GEMIN7: variants seen among roughly 807,000 people sequenced by gnomAD.
GEMIN7 encodes the protein gem-associated protein 7.
A neutral mutation model predicts 7.8 loss-of-function variants in GEMIN7; 7 were observed. That is an observed-to-expected ratio of 0.90 (90% CI 0.51 to 1.69). The LOEUF (loss-of-function observed/expected upper bound fraction) is 1.69. GEMIN7 is among the 40% of genes most tolerant of loss of function. GEMIN7 has a pLI of 0.00. For missense variants in GEMIN7, 159 were observed against 176.2 expected, an observed-to-expected ratio of 0.90 and a Z score of 0.55; for synonymous variants, 68 against 72.4, an observed-to-expected ratio of 0.94 and a Z score of 0.31.
chr19:45,088,571 C>T (rs1347613766), intron 2 of GEMIN7: 1 of 152,184 alleles, frequency 6.6e-6, no homozygotes, highest in African/African-American at 2.4e-5. Context: ...AAGCAATCCT[C>T]TCACCTTGGC....
chr19:45,075,994 C>A, upstream of GEMIN7: 2 of 1,567,120 alleles, frequency 1.3e-6, no homozygotes, highest in Non-Finnish European at 1.7e-6. Context: ...TAAGGCAGGG[C>A]GAGGGGCCCA....
At chr19:45,075,881 TGGTGAGCGTGG>T, upstream of GEMIN7, 1 of 1,607,228 alleles carries the variant, frequency 6.2e-7, no homozygotes, top group Non-Finnish European at 8.5e-7. Context: ...AGGAAGCGGG[TGGTGAGCGTGG>T]GGTGGGGCCA....
chr19:45,078,694 C>T (rs537500874), upstream of GEMIN7, among the ~76,000 whole-genome samples: 13 of 152,254 alleles, frequency 8.5e-5, no homozygotes, highest in South Asian at 2.1e-4. Context: ...AGGATCCCTG[C>T]GTAAAGAGGA....
chr19:45,090,129 G>A lies in GEMIN7; in HGVS notation c.15G>A (p.Val5=). 1 of 1,612,374 alleles carries A rather than the reference G, an allele frequency of 6.2e-7. No homozygotes were observed. Among genetic ancestry groups the A allele is most frequent in the Non-Finnish European group, 8.5e-7 (1 of 1,178,900 alleles). Reference sequence around the variant, plus strand: ...CAGCCAAGACAATGCAAACTCCAGTGAACATTCCCGTGCCTGTGCTCCGGC... The same window carrying A: ...CAGCCAAGACAATGCAAACTCCAGTAAACATTCCCGTGCCTGTGCTCCGGC... The part of the protein sequence containing the change: MQTP[V]NIPVPVLRLP... Residue 5 remains valine (V), a synonymous_variant, in exon 3 of 3, where the codon GTG becomes GTA. Coordinates refer to ENST00000270257, the MANE Select transcript of GEMIN7 (RefSeq NM_024707.3).
chr19:45,089,424 T>G (rs1278381943), intron 2 of GEMIN7, among the ~76,000 whole-genome samples: 1 of 152,214 alleles, frequency 6.6e-6, no homozygotes, highest in Non-Finnish European at 1.5e-5. Flanking sequence ...TTCAAATAAT[T>G]CCAGATTTGG....
At chr19:45,076,385 C>G, upstream of GEMIN7, 11 of 1,283,452 alleles carry the variant, frequency 8.6e-6, no homozygotes, top group South Asian at 3.3e-5. This position sits in a 1 kb window ranked among gnomAD's most constrained non-coding sequence, Gnocchi z 4.9. Context: ...AGTCGCGGGC[C>G]GGGCGAGCGA....
chr19:45,077,958 G>A (rs1007166020), upstream of GEMIN7, among the ~76,000 whole-genome samples: 22 of 151,134 alleles, frequency 1.5e-4, no homozygotes, highest in South Asian at 2.1e-4. Context: ...TGAAACTCTT[G>A]GCTTGAAGCG....
chr19:45,085,091 G>A (rs1311387089), intron 2 of GEMIN7, among the ~76,000 whole-genome samples: 1 of 151,644 alleles, frequency 6.6e-6, no homozygotes, highest in African/African-American at 2.4e-5. Context: ...GCTAATTTTT[G>A]TATTTCTTAG....
intron 2 of GEMIN7, among the ~76,000 whole-genome samples, chr19:45,084,020 G>C (rs1967592212): frequency 6.6e-6 from 1 of 151,910 alleles, no homozygotes. Flanking sequence ...AGACCAGCCT[G>C]GCCAACATGG....
At chr19:45,076,197 C>T (rs748569900), upstream of GEMIN7, 4 of 1,504,832 alleles carry the variant, frequency 2.7e-6, no homozygotes, top group African/African-American at 1.4e-5. This position sits in a 1 kb window ranked among gnomAD's most constrained non-coding sequence, Gnocchi z 4.9. Flanking sequence ...CGAACCGCCC[C>T]GCCGAGGACA....
In GEMIN7 at chr19:45,080,758, G is replaced by GTTTTTTTTT. The variant is rs199542404; in HGVS notation, c.-9+735_-9+736insTTTTTTTTT. ...GCATCAATATGACCAAATCTCCCTT[G>GTTTTTTTTT]TTTTTTGTTTTTTTTTTTTTTTTTC... On this transcript the variant is annotated intron_variant, in intron 2 of 2. Transcript: ENST00000270257. Among the ~76,000 whole-genome samples the GTTTTTTTTT allele has an allele frequency of 5.8e-5, 7 of 121,332 alleles. 1 individual carries two copies. The highest frequency in any genetic ancestry group is 1.7e-4 in the African/African-American group (5 of 30,286). The allele number at this position is 121,332 out of a possible 152,430, so 79.6% of individuals were successfully genotyped here.
Position 45,086,589 on chromosome 19 carries a change from C to T in GEMIN7, c.-8-3518C>T, listed in dbSNP as rs149774153. Among the ~76,000 whole-genome samples, 1,393 of 152,238 alleles carry T rather than the reference C, an allele frequency of 9.2e-3. 29 individuals are homozygous for T. The highest frequency in any genetic ancestry group is 0.031 in the African/African-American group (1,290 of 41,540). ...CCCTGTGAGTTAGGGCTCTGTTTTACAGATGGGGAAACAGAGGCACAGATT... is the reference window on the plus strand; with the variant it reads ...CCCTGTGAGTTAGGGCTCTGTTTTATAGATGGGGAAACAGAGGCACAGATT... On this transcript the variant is annotated intron_variant, in intron 2 of 2. Transcript: ENST00000270257.
In GEMIN7 at chr19:45,088,965, A is replaced by G. The variant is rs182157540; in HGVS notation, c.-8-1142A>G. Among the ~76,000 whole-genome samples, 192 of 146,460 alleles carry G rather than the reference A, an allele frequency of 1.3e-3. No homozygotes were observed. The Middle Eastern group carries it at 0.018, about 14-fold the overall frequency. On this transcript the variant is annotated intron_variant, in intron 2 of 2. Coordinates refer to ENST00000270257, the MANE Select transcript of GEMIN7 (RefSeq NM_024707.3). ...TTTTTTTTTTTCTTTTTTTTGACACAGAGTCTCACTCTGTCGCCCAGGCTA... is the reference window on the plus strand; with the variant it reads ...TTTTTTTTTTTCTTTTTTTTGACACGGAGTCTCACTCTGTCGCCCAGGCTA...
chr19:45,085,810 G>C (rs1967661372), intron 2 of GEMIN7, among the ~76,000 whole-genome samples: 1 of 151,334 alleles, frequency 6.6e-6, no homozygotes, highest in African/African-American at 2.4e-5. Context: ...AGCTGGGCAT[G>C]GTGGTGTGTG....
chr19:45,078,275 A>G (rs1326904030), upstream of GEMIN7, among the ~76,000 whole-genome samples: 4 of 151,932 alleles, frequency 2.6e-5, no homozygotes, highest in African/African-American at 7.3e-5. Flanking sequence ...TTTTTAGTAG[A>G]GACAGGGTTT....
chr19:45,086,557 A>G (rs1427609845), intron 2 of GEMIN7, among the ~76,000 whole-genome samples: 1 of 152,186 alleles, frequency 6.6e-6, no homozygotes, highest in Non-Finnish European at 1.5e-5. Flanking sequence ...TTTAGTCCCC[A>G]TGCCCGCCCT....
chr19:45,083,563 G>T (rs1430271171), intron 2 of GEMIN7, among the ~76,000 whole-genome samples: 2 of 150,606 alleles, frequency 1.3e-5, no homozygotes, highest in African/African-American at 4.9e-5. Context: ...CTCCCAGGGA[G>T]AGCTCTTTTT....
intron 2 of GEMIN7, among the ~76,000 whole-genome samples, chr19:45,080,520 T>G (rs1356870040): frequency 6.6e-6 from 1 of 151,990 alleles, no homozygotes; most frequent in Non-Finnish European, 1.5e-5. Flanking sequence ...GGATTACAGA[T>G]GCGTGCCACC....
At chr19:45,085,715 A>G (rs6509184) in intron 2 of GEMIN7, 84,756 of 151,616 alleles carry the variant, frequency 0.56, 24,486 homozygotes, top group African/African-American at 0.68. Context: ...GGAGGCTGAG[A>G]TGGGGGGGAT....
Sources: allele counts gnomAD v4.1 joint callset (sites outside exome capture counted in the v4.1 genomes callset), GRCh38; gene constraint gnomAD v4.1.1; non-coding constraint Gnocchi (gnomAD v3.1); transcripts MANE v1.5; gene names NCBI Gene and HGNC (gene_info 2026-07-23, HGNC 2026-07-21).